RGS7: variants seen among roughly 807,000 people sequenced by gnomAD.
RGS7 encodes regulator of G-protein signaling 7.
RGS7 carries 27 observed loss-of-function variants against 81.1 expected under a neutral mutation model. That is an observed-to-expected ratio of 0.33 (90% confidence interval 0.25 to 0.46). The LOEUF is 0.46. RGS7 is among the 20% of genes least tolerant of loss of function. The pLI is 1.00. For synonymous variants in RGS7, 208 were observed against 207.7 expected, an observed-to-expected ratio of 1.00 and a Z score of -0.01; for missense variants, 396 against 607.4, an observed-to-expected ratio of 0.65 and a Z score of 3.66.
chr1:241,277,783 A>G (rs2078275162), intron 2 of RGS7, among the ~76,000 whole-genome samples: 1 of 152,210 alleles, frequency 6.6e-6, no homozygotes, highest in Non-Finnish European at 1.5e-5. Flanking sequence ...AGTAGAAGAA[A>G]GATGCATTTG....
intron 2 of RGS7, among the ~76,000 whole-genome samples, chr1:241,123,743 C>T (rs1325167672): frequency 6.6e-6 from 1 of 152,160 alleles, no homozygotes; most frequent in African/African-American, 2.4e-5. Flanking sequence ...GAGAGTGAAA[C>T]TCCATTTCAA....
chr1:241,236,586 T>C (rs2075990152), intron 2 of RGS7, among the ~76,000 whole-genome samples: 1 of 152,176 alleles, frequency 6.6e-6, no homozygotes, highest in African/African-American at 2.4e-5. Flanking sequence ...ACTCACATGA[T>C]TTGCCTCGAA....
At chr1:241,168,885 C>T (rs2103246687) in intron 2 of RGS7, among the ~76,000 whole-genome samples, 1 of 151,964 alleles carries the variant, frequency 6.6e-6, no homozygotes, top group Non-Finnish European at 1.5e-5. Context: ...AAGCAGGCCA[C>T]CATGACTTCT....
chr1:240,956,605 A>T (rs1680472381), intron 4 of RGS7, among the ~76,000 whole-genome samples: 2 of 152,296 alleles, frequency 1.3e-5, no homozygotes, highest in Middle Eastern at 6.8e-3. Flanking sequence ...GAAAAATATG[A>T]GTCACTTTAC....
At chr1:240,959,623 G>A (rs1681019467) in intron 4 of RGS7, among the ~76,000 whole-genome samples, 1 of 151,956 alleles carries the variant, frequency 6.6e-6, no homozygotes, top group Admixed American at 6.6e-5. Context: ...ACGTTGTTAT[G>A]GGATATATGA....
At chr1:241,354,517 CCTG>C (rs1228485254) in intron 2 of RGS7, among the ~76,000 whole-genome samples, 18 of 152,192 alleles carry the variant, frequency 1.2e-4, no homozygotes, top group Non-Finnish European at 2.4e-4. Flanking sequence ...TACCAGGACG[CCTG>C]TGCATCTTTC....
Position 240,782,066 on chromosome 1 carries a change from A to G in RGS7, c.*7-5853T>C, listed in dbSNP as rs146388442. On this transcript the variant is annotated intron_variant, in intron 18 of 18. Transcript: ENST00000440928. The stretch of plus-strand genomic sequence containing the variant: ...CAGCACTGAGGTCAAAGCAGACAGC[A>G]TGGATGCCCAATAGGCCATCTGGAT... Among the ~76,000 whole-genome samples, 1,092 of 152,188 alleles carry G rather than the reference A, an allele frequency of 7.2e-3. 19 individuals are homozygous for G. Among genetic ancestry groups the G allele is most frequent in the African/African-American group, 0.021 (872 of 41,528 alleles).
chr1:241,239,815 A>G (rs950095335), intron 2 of RGS7, among the ~76,000 whole-genome samples: 2 of 152,224 alleles, frequency 1.3e-5, no homozygotes, highest in African/African-American at 2.4e-5. Flanking sequence ...TAAGGACTAT[A>G]GAAGATCTTA....
chr1:241,091,547 CAATAAATAAATAAATAAATA>C lies in RGS7; in HGVS notation c.175+7099_175+7118del, dbSNP rs371664255. 1.8e-3 allele frequency among the ~76,000 whole-genome samples: 232 copies of C among 129,168 alleles called. 1 individual carries two copies. Among genetic ancestry groups the C allele is most frequent in the African/African-American group, 6.3e-3 (213 of 33,892 alleles). 84.7% of individuals were successfully genotyped at this position (129,168 alleles called of 152,430 possible). A position where few individuals can be genotyped will look rare whatever the true frequency, so the allele number is the denominator to read the frequency against. ...TGGGCGACAGAGCGAGACTCTGTCT[CAATAAATAAATAAATAAATA>C]AATAAATAAATAAATAAATAAATAA... On this transcript the variant is annotated intron_variant, in intron 3 of 18. Coordinates refer to ENST00000440928, the MANE Select transcript of RGS7 (RefSeq NM_001364886.1).
chr1:240,910,113 T>C (rs946594621), intron 6 of RGS7, among the ~76,000 whole-genome samples: 2 of 152,220 alleles, frequency 1.3e-5, no homozygotes, highest in Non-Finnish European at 2.9e-5. Context: ...TCCCTGAACA[T>C]ATTTCGAACA....
chr1:240,805,226 A>T (rs79608309), intron 15 of RGS7, among the ~76,000 whole-genome samples: 159 of 149,604 alleles, frequency 1.1e-3, no homozygotes, highest in African/African-American at 3.7e-3. Flanking sequence ...AAAAAAAAAT[A>T]AAAAAAAATT....
At chr1:241,245,246 T>C (rs538188494) in intron 2 of RGS7, among the ~76,000 whole-genome samples, 15 of 152,218 alleles carry the variant, frequency 9.9e-5, no homozygotes, top group Middle Eastern at 3.4e-3. Context: ...GATTGGATCA[T>C]GAGGATGCTT....
chr1:240,819,443 T>C (rs1408214445), intron 10 of RGS7, among the ~76,000 whole-genome samples: 1 of 152,154 alleles, frequency 6.6e-6, no homozygotes. Context: ...GTAAACTTCA[T>C]AGAGGTCCGA....
chr1:241,139,439 A>G (rs1363319959), intron 2 of RGS7, among the ~76,000 whole-genome samples: 4 of 152,194 alleles, frequency 2.6e-5, no homozygotes, highest in Non-Finnish European at 5.9e-5. Context: ...ATAACTGTGA[A>G]TCATGCTTCA....
At chr1:240,894,680 C>T (rs1479523184) in intron 6 of RGS7, among the ~76,000 whole-genome samples, 3 of 150,760 alleles carry the variant, frequency 2.0e-5, no homozygotes, top group Middle Eastern at 3.4e-3. Flanking sequence ...TCATTTTTTG[C>T]GGGTAATTTT....
chr1:241,104,687 T>C (rs2064992663), intron 2 of RGS7, among the ~76,000 whole-genome samples: 1 of 152,348 alleles, frequency 6.6e-6, no homozygotes, highest in South Asian at 2.1e-4. Flanking sequence ...CAAGTGTATT[T>C]TACAAAGTAA....
At chr1:241,061,092 G>A (rs186095393) in intron 3 of RGS7, among the ~76,000 whole-genome samples, 2 of 152,214 alleles carry the variant, frequency 1.3e-5, no homozygotes, top group Admixed American at 1.3e-4. Context: ...AGCTTTGATG[G>A]GAATCAAACC....
At chr1:240,936,974 G>T (rs897274013) in intron 4 of RGS7, among the ~76,000 whole-genome samples, 3 of 152,062 alleles carry the variant, frequency 2.0e-5, no homozygotes, top group Non-Finnish European at 4.4e-5. Context: ...CTTTACTCCT[G>T]GCTACCCATT....
At chr1:240,955,469 A>G (rs1680220441) in intron 4 of RGS7, among the ~76,000 whole-genome samples, 1 of 150,640 alleles carries the variant, frequency 6.6e-6, no homozygotes, top group Admixed American at 6.6e-5. Context: ...GGAGAATGGC[A>G]TGAACCTGGG....
Sources: allele counts gnomAD v4.1 joint callset (sites outside exome capture counted in the v4.1 genomes callset), GRCh38; gene constraint gnomAD v4.1.1; transcripts MANE v1.5; gene names NCBI Gene and HGNC (gene_info 2026-07-23, HGNC 2026-07-21).